PCDH15: variants seen among roughly 807,000 people sequenced by gnomAD.
PCDH15 encodes protocadherin related 15, also known as protocadherin-15.
Under a neutral mutation model 178.5 loss-of-function variants are expected in PCDH15, and 129 were observed. The ratio of observed to expected loss-of-function variants is 0.72; its 90% confidence interval spans 0.63 to 0.84. The LOEUF (loss-of-function observed/expected upper bound fraction) is 0.84. Ranked by LOEUF, PCDH15 falls within the 40% of genes least tolerant of loss-of-function variation. PCDH15 has a pLI of 0.00. For synonymous variants in PCDH15, 800 were observed against 732.0 expected (o/e 1.09, Z -1.50); for missense variants, 2,230 against 2,099.9 (o/e 1.06, Z -1.21).
At chr10:54,618,984 C>T (rs1450548879) in intron 2 of PCDH15, 1 of 151,908 alleles carries the variant, frequency 6.6e-6, no homozygotes, top group African/African-American at 2.4e-5. Context: ...AAAATTTGTA[C>T]ATGAATTTTT....
intron 26 of PCDH15, among the ~76,000 whole-genome samples, chr10:53,870,483 C>A (rs1164699613): frequency 6.6e-6 from 1 of 151,990 alleles, no homozygotes; most frequent in South Asian, 2.1e-4. Context: ...ATATGATAGT[C>A]TTTGGGATCT....
intron 13 of PCDH15, among the ~76,000 whole-genome samples, chr10:54,157,493 C>A (rs1044779292): frequency 6.6e-6 from 1 of 152,176 alleles, no homozygotes; most frequent in East Asian, 1.9e-4. Flanking sequence ...AGGCTGCACA[C>A]AGAACAGGGA....
intron 2 of PCDH15, among the ~76,000 whole-genome samples, chr10:55,517,677 AGTT>A (rs1841052481): frequency 6.6e-6 from 1 of 152,158 alleles, no homozygotes; most frequent in Non-Finnish European, 1.5e-5. Flanking sequence ...ATAAAACTTA[AGTT>A]CATGCTAAAA....
intron 2 of PCDH15, among the ~76,000 whole-genome samples, chr10:55,358,492 G>C (rs1436376484): frequency 1.3e-5 from 2 of 151,930 alleles, no homozygotes; most frequent in Non-Finnish European, 2.9e-5. Flanking sequence ...ACAATACTTA[G>C]TTATATGTAA....
At chr10:55,112,201 T>C (rs1475754560) in intron 2 of PCDH15, among the ~76,000 whole-genome samples, 1 of 152,064 alleles carries the variant, frequency 6.6e-6, no homozygotes, top group East Asian at 1.9e-4. Flanking sequence ...GCAAATGTGG[T>C]GTTAGGAGGG....
intron 2 of PCDH15, among the ~76,000 whole-genome samples, chr10:55,156,040 C>T (rs945903184): frequency 1.3e-5 from 2 of 152,008 alleles, no homozygotes; most frequent in African/African-American, 4.8e-5. Flanking sequence ...ACAGGAAACC[C>T]ACGAAGAGAA....
intron 26 of PCDH15, among the ~76,000 whole-genome samples, chr10:53,878,427 T>C (rs1589217309): frequency 2.5e-5 from 2 of 79,458 alleles, no homozygotes; most frequent in East Asian, 9.5e-4. Context: ...ACGTTGAATA[T>C]ATATATATAT....
chr10:53,971,205 G>T (rs2089645587), intron 21 of PCDH15, among the ~76,000 whole-genome samples: 1 of 152,158 alleles, frequency 6.6e-6, no homozygotes, highest in South Asian at 2.1e-4. Context: ...TATCTCAATA[G>T]ATGCAGAAAA....
chr10:53,908,298 A>G (rs993111231), intron 25 of PCDH15, among the ~76,000 whole-genome samples: 4 of 152,204 alleles, frequency 2.6e-5, no homozygotes, highest in Non-Finnish European at 5.9e-5. Flanking sequence ...ATTAGTGATG[A>G]GGCTGAGAAA....
intron 26 of PCDH15, among the ~76,000 whole-genome samples, chr10:53,895,266 C>T (rs1210854209): frequency 6.6e-6 from 1 of 152,134 alleles, no homozygotes; most frequent in African/African-American, 2.4e-5. Flanking sequence ...ATCCTCTGAC[C>T]ATGACTGTGG....
At chr10:53,890,552 A>G (rs2081486898) in intron 26 of PCDH15, among the ~76,000 whole-genome samples, 1 of 152,196 alleles carries the variant, frequency 6.6e-6, no homozygotes, top group Admixed American at 6.5e-5. Context: ...TTTCTAGATT[A>G]CTGGGTTTCT....
chr10:54,797,926 T>C lies in PCDH15; in HGVS notation c.-29+2999A>G, dbSNP rs373673355. Among the ~76,000 whole-genome samples, 24 of 152,086 alleles carry C rather than the reference T, an allele frequency of 1.6e-4. 1 individual carries two copies. Among genetic ancestry groups the C allele is most frequent in the East Asian group, 9.7e-4 (5 of 5,156 alleles). On this transcript the variant is annotated intron_variant, in intron 1 of 37. Coordinates refer to ENST00000644397, the MANE Select transcript of PCDH15 (RefSeq NM_001384140.1). ...TCAGTTTATACACCACAGTTGAAAA[T>C]TGTATTTTAAGGTCAAGCTAGTCGC...
intron 21 of PCDH15, among the ~76,000 whole-genome samples, chr10:53,990,618 T>G (rs980108685): frequency 6.6e-6 from 1 of 151,292 alleles, no homozygotes; most frequent in Non-Finnish European, 1.5e-5. Flanking sequence ...AAAAGAAAGT[T>G]GGTCAAAATT....
chr10:54,647,700 T>A (rs985962148), intron 2 of PCDH15, among the ~76,000 whole-genome samples: 2 of 152,108 alleles, frequency 1.3e-5, no homozygotes, highest in Admixed American at 6.6e-5. Flanking sequence ...GTGAAATTTT[T>A]GTAATGATTA....
At chr10:54,371,141 A>G (rs1011688399) in intron 4 of PCDH15, among the ~76,000 whole-genome samples, 3 of 151,888 alleles carry the variant, frequency 2.0e-5, no homozygotes, top group Non-Finnish European at 4.4e-5. Context: ...AGTCATCTTA[A>G]TAAGTCATAA....
intron 2 of PCDH15, among the ~76,000 whole-genome samples, chr10:55,442,378 T>A (rs1839207767): frequency 6.7e-6 from 1 of 148,258 alleles, no homozygotes; most frequent in Admixed American, 6.8e-5. Flanking sequence ...CTTTTTTTTT[T>A]AATTACCAAA....
chr10:55,018,990 T>C (rs1447304885), intron 2 of PCDH15, among the ~76,000 whole-genome samples: 1 of 152,126 alleles, frequency 6.6e-6, no homozygotes, highest in African/African-American at 2.4e-5. Context: ...ACCACAATGC[T>C]ATCAATTCAC....
At chr10:54,213,673 T>C (rs921344090) in intron 10 of PCDH15, among the ~76,000 whole-genome samples, 1 of 152,168 alleles carries the variant, frequency 6.6e-6, no homozygotes, top group African/African-American at 2.4e-5. Flanking sequence ...TTGTGTAGAA[T>C]TGTATACGCT....
At chr10:54,024,315 C>T (rs1433583148) in intron 18 of PCDH15, among the ~76,000 whole-genome samples, 1 of 151,806 alleles carries the variant, frequency 6.6e-6, no homozygotes, top group African/African-American at 2.4e-5. Flanking sequence ...ATAATTATGC[C>T]CCAAACTGTC....
Sources: gnomAD v4.1 joint callset for allele counts (sites outside exome capture counted in the v4.1 genomes callset) on GRCh38, gnomAD v4.1.1 for gene constraint, MANE v1.5 for transcripts, NCBI Gene and HGNC (gene_info 2026-07-23, HGNC 2026-07-21) for gene names.